The following RPS6KA5 variants were observed in gnomAD, a reference collection of about 807,000 sequenced individuals.
The protein encoded by RPS6KA5 is ribosomal protein S6 kinase A5.
Under a neutral mutation model 85.5 loss-of-function variants are expected in RPS6KA5, and 27 were observed. That is an observed-to-expected ratio of 0.32 (90% confidence interval 0.23 to 0.44). The LOEUF is 0.44. Ranked by LOEUF, RPS6KA5 falls within the 20% of genes least tolerant of loss-of-function variation. The pLI is 1.00. For synonymous variants in RPS6KA5, 334 were observed against 348.2 expected, an observed-to-expected ratio of 0.96 and a Z score of 0.46; for missense variants, 811 against 980.9, an observed-to-expected ratio of 0.83 and a Z score of 2.31.
rs1017705597 is a variant in RPS6KA5 at position 90,857,970 on chromosome 14, C to T, written c.*14104G>A. The T allele has an allele frequency of 7.9e-5, 12 of 152,124 alleles. No homozygotes were observed. Among genetic ancestry groups the T allele is most frequent in the Non-Finnish European group, 1.3e-4 (9 of 68,018 alleles). 9.4% of individuals were successfully genotyped at this position (152,124 alleles called of 1,614,324 possible). A position where few individuals can be genotyped will look rare whatever the true frequency, so the allele number is the denominator to read the frequency against. ...GGTGCCTTCACATATGACCATGTGA[C>T]AACCAAGTTATCAATGCCAGAAGCC... On this transcript the variant is annotated 3_prime_UTR_variant, in exon 17 of 17. Transcript: ENST00000614987.
chr14:91,013,096 G>C (rs2041327956), intron 1 of RPS6KA5, among the ~76,000 whole-genome samples: 1 of 152,120 alleles, frequency 6.6e-6, no homozygotes. Flanking sequence ...TGCCCCCAGT[G>C]TACCTCCCTT....
intron 7 of RPS6KA5, among the ~76,000 whole-genome samples, chr14:90,907,060 C>A (rs1566724101): frequency 6.6e-6 from 1 of 152,084 alleles, no homozygotes. Flanking sequence ...GAAATCAATC[C>A]AATCCAAGTG....
chr14:90,993,940 G>A (rs563963441), intron 2 of RPS6KA5, among the ~76,000 whole-genome samples: 32 of 151,790 alleles, frequency 2.1e-4, no homozygotes, highest in Admixed American at 1.6e-3. Context: ...CCAGGCTGGA[G>A]TGTAGTGATG....
chr14:90,871,300 C>T lies in RPS6KA5; in HGVS notation c.*774G>A, dbSNP rs561310348. ...ACAGTGCACTTTATAAAATAGTTTG[C>T]TTTATTCATACTTTTTTATAAAGTG... On this transcript the variant is annotated 3_prime_UTR_variant, in exon 17 of 17. Transcript: ENST00000614987. 3.3e-5 allele frequency: 5 copies of T among 152,604 alleles called. No individual in the cohort carries two copies. The East Asian group carries it at 7.8e-4, about 24-fold the overall frequency. 9.5% of individuals were successfully genotyped at this position (152,604 alleles called of 1,614,324 possible). A position where few individuals can be genotyped will look rare whatever the true frequency, so the allele number is the denominator to read the frequency against.
At chr14:90,950,290 C>T (rs1422131530) in intron 3 of RPS6KA5, among the ~76,000 whole-genome samples, 3 of 152,194 alleles carry the variant, frequency 2.0e-5, no homozygotes, top group Non-Finnish European at 4.4e-5. Context: ...TGCAATTCTG[C>T]TGAACTTATA....
At chr14:90,961,777 A>G (rs1301448989) in intron 3 of RPS6KA5, among the ~76,000 whole-genome samples, 2 of 152,180 alleles carry the variant, frequency 1.3e-5, no homozygotes. Flanking sequence ...AGCAATTTAC[A>G]TCTTGCAGTA....
Position 90,979,917 on chromosome 14 carries a change from T to C in RPS6KA5, c.176-1393A>G, listed in dbSNP as rs149843309. Among the ~76,000 whole-genome samples, 73 of 152,250 alleles carry C rather than the reference T, an allele frequency of 4.8e-4. 1 individual carries two copies. In the East Asian group the frequency reaches 0.01, roughly 21 times the overall value. On this transcript the variant is annotated intron_variant, in intron 2 of 16. Transcript: ENST00000614987. ...ACTCCAGGGACCACACTCTGAACCA[T>C]AAATGAACAAAAAAGTGATTCCTCA...
At chr14:90,956,828 A>G (rs2038539467) in intron 3 of RPS6KA5, among the ~76,000 whole-genome samples, 1 of 151,976 alleles carries the variant, frequency 6.6e-6, no homozygotes, top group Non-Finnish European at 1.5e-5. Flanking sequence ...TTATTGTAAC[A>G]TACAGTACAA....
rs749741829 is a variant in RPS6KA5, at chr14:91,060,426, C to G, written c.9G>C (p.Glu3Asp). 1 of 1,489,918 alleles carries G rather than the reference C, an allele frequency of 6.7e-7. No individual in the cohort carries two copies. The highest frequency in any genetic ancestry group is 9.0e-7 in the Non-Finnish European group (1 of 1,112,230). The allele number at this position is 1,489,918 out of a possible 1,614,324, so 92.3% of individuals were successfully genotyped here. Residue 3 changes from glutamate to aspartate, a missense_variant, in exon 1 of 17, where the codon GAG becomes GAC. Physicochemically the swap from Glu to Asp is conservative, Grantham distance 45 (BLOSUM62 2). Around this residue, in one of 3 missense-constraint regions of RPS6KA5, gnomAD observed 113 missense variants for 100.0 expected, o/e 1.13. Coordinates refer to ENST00000614987, the MANE Select transcript of RPS6KA5 (RefSeq NM_004755.4). The stretch of plus-strand genomic sequence containing the variant: ...CGGCGCCGCCGCTGCTGCCACCCTC[C>G]TCCTCCATCTTCTCCTTTTTTTCCG... MEEEGGSSGGAAG... is the reference protein window; with the variant it reads MEDEGGSSGGAAG...
intron 2 of RPS6KA5, among the ~76,000 whole-genome samples, chr14:90,981,906 C>T (rs2039804407): frequency 6.6e-6 from 1 of 152,188 alleles, no homozygotes; most frequent in African/African-American, 2.4e-5. Flanking sequence ...TTTTGAAGCA[C>T]CCATAAAGCT....
chr14:91,005,991 ACTGT>A (rs943839101), intron 1 of RPS6KA5, among the ~76,000 whole-genome samples: 1 of 152,166 alleles, frequency 6.6e-6, no homozygotes, highest in Non-Finnish European at 1.5e-5. Context: ...AGAATTGTAC[ACTGT>A]CTTTCTTCAC....
Position 90,923,127 on chromosome 14 carries a change from A to T in RPS6KA5, c.688T>A (p.Ser230Thr). 1 of 1,610,466 alleles carries T rather than the reference A, an allele frequency of 6.2e-7. No individual in the cohort carries two copies. Among genetic ancestry groups the T allele is most frequent in the Non-Finnish European group, 8.5e-7 (1 of 1,177,096 alleles). Reference sequence around the variant, plus strand: ...ATAGAACATACCTTGTCATGTCCTGAATCTCCCCCTCTGACAATATCTGGT... The same window carrying T: ...ATAGAACATACCTTGTCATGTCCTGTATCTCCCCCTCTGACAATATCTGGT... ...MAPDIVRGGD[S>T]GHDKAVDWWS... Residue 230 changes from serine to threonine, a missense_variant, in exon 6 of 17, where the codon TCA (serine) becomes ACA (threonine). Ser to Thr is a moderately conservative substitution (Grantham distance 58). This residue lies in a region of RPS6KA5 where 650 missense variants were observed against 793.4 expected (regional missense o/e 0.82). Transcript: ENST00000614987.
rs529944687 is a variant in RPS6KA5 at position 90,918,855 on chromosome 14, C to T, written c.806+1351G>A. 9.9e-5 allele frequency among the ~76,000 whole-genome samples: 15 copies of T among 152,266 alleles called. No individual in the cohort carries two copies. The South Asian group carries it at 1.7e-3, about 17-fold the overall frequency. The stretch of plus-strand genomic sequence containing the variant: ...TATCCTGACACCAATATCACAATGT[C>T]TTAAATTACTGTAACTTAGAACAAA... On this transcript the variant is annotated intron_variant, in intron 7 of 16. Coordinates refer to ENST00000614987, the MANE Select transcript of RPS6KA5 (RefSeq NM_004755.4).
chr14:90,899,466 G>A, intron 11 of RPS6KA5, 44 bp from the exon 12 acceptor site: 2 of 1,359,310 alleles, frequency 1.5e-6, no homozygotes, highest in Non-Finnish European at 2.1e-6. Context: ...CTTCAAGAAA[G>A]TTTTTATATC....
chr14:91,050,455 G>T (rs1233505430), intron 1 of RPS6KA5, among the ~76,000 whole-genome samples: 1 of 152,182 alleles, frequency 6.6e-6, no homozygotes, highest in African/African-American at 2.4e-5. Context: ...TTTTGGCACA[G>T]TCTGACTCTG....
intron 2 of RPS6KA5, among the ~76,000 whole-genome samples, chr14:90,995,380 T>G (rs1014370759): frequency 6.6e-6 from 1 of 152,184 alleles, no homozygotes; most frequent in African/African-American, 2.4e-5. Flanking sequence ...ACGGAAGGCT[T>G]TTACTGCTTA....
chr14:90,871,917 G>T lies in RPS6KA5; in HGVS notation c.*157C>A. The T allele has an allele frequency of 1.1e-6, 1 of 913,650 alleles. No homozygotes were observed. The highest frequency in any genetic ancestry group is 1.7e-6 in the Non-Finnish European group (1 of 601,634). The allele number at this position is 913,650 out of a possible 1,614,324, so 56.6% of individuals were successfully genotyped here. On this transcript the variant is annotated 3_prime_UTR_variant, in exon 17 of 17. Transcript: ENST00000614987. The stretch of plus-strand genomic sequence containing the variant: ...GTAACATTCTCTGTCCAGTGCTTTT[G>T]AATGAGGATAACCAAACAGGTTTTC...
At chr14:90,928,936 C>G (rs72697525) in intron 5 of RPS6KA5, among the ~76,000 whole-genome samples, 5,346 of 151,716 alleles carry the variant, frequency 0.035, 138 homozygotes, top group Non-Finnish European at 0.051. Flanking sequence ...AAATAAAATC[C>G]TAAGTAAAAT....
At chr14:91,031,522 C>T (rs769733924) in intron 1 of RPS6KA5, among the ~76,000 whole-genome samples, 5 of 151,998 alleles carry the variant, frequency 3.3e-5, no homozygotes, top group East Asian at 1.9e-4. Context: ...ATGGAAGAGA[C>T]GGAACAGAGT....
Sources: allele counts gnomAD v4.1 joint callset (sites outside exome capture counted in the v4.1 genomes callset), GRCh38; gene constraint gnomAD v4.1.1; regional missense constraint gnomAD v4.1.1; transcripts MANE v1.5; gene names NCBI Gene and HGNC (gene_info 2026-07-23, HGNC 2026-07-21).